METTL15: variants seen among roughly 807,000 people sequenced by gnomAD.
METTL15 encodes the protein 12S rRNA N(4)-cytidine methyltransferase METTL15.
A neutral mutation model predicts 38.3 loss-of-function variants in METTL15; 34 were observed. The observed-to-expected ratio is 0.89, with a 90% CI of 0.68 to 1.18. The LOEUF is 1.18. METTL15 is among the 50% of genes most tolerant of loss of function. METTL15 has a pLI of 0.00. For missense variants in METTL15, 438 were observed against 498.4 expected (o/e 0.88, Z 1.15); for synonymous variants, 162 against 170.9 (o/e 0.95, Z 0.41).
At chr11:28,419,430 A>G (rs1434477424) in intron 5 of METTL15, among the ~76,000 whole-genome samples, 1 of 152,214 alleles carries the variant, frequency 6.6e-6, no homozygotes, top group Admixed American at 6.5e-5. Context: ...CAACAACCAC[A>G]GTGCTACTGA....
chr11:28,135,858 A>G (rs1849497487), intron 3 of METTL15, among the ~76,000 whole-genome samples: 1 of 152,234 alleles, frequency 6.6e-6, no homozygotes, highest in Non-Finnish European at 1.5e-5. Context: ...AACAAGGATG[A>G]GCAACATTTT....
chr11:28,444,471 TTAATTA>T (rs532972944), intron 6 of METTL15, among the ~76,000 whole-genome samples: 1 of 152,326 alleles, frequency 6.6e-6, no homozygotes, highest in East Asian at 1.9e-4. Context: ...TTTGCTATTA[TTAATTA>T]TAAGTTAGTG....
chr11:28,148,771 A>G (rs928050606), intron 3 of METTL15, among the ~76,000 whole-genome samples: 2 of 151,774 alleles, frequency 1.3e-5, no homozygotes, highest in Admixed American at 1.3e-4. Flanking sequence ...TTCCTTACCT[A>G]TTGTATTTGT....
At chr11:28,219,193 C>A (rs912726233) in intron 4 of METTL15, among the ~76,000 whole-genome samples, 2 of 151,960 alleles carry the variant, frequency 1.3e-5, no homozygotes, top group African/African-American at 4.8e-5. Flanking sequence ...TGGTCCTGGA[C>A]TTTTTTTGGT....
chr11:28,410,832 G>A (rs954818979), intron 5 of METTL15: 1 of 151,962 alleles, frequency 6.6e-6, no homozygotes, highest in African/African-American at 2.4e-5. Context: ...AAGTAAAATT[G>A]TCTTTATTTT....
At chr11:28,302,463 T>C (rs184625355) in intron 6 of METTL15, among the ~76,000 whole-genome samples, 3 of 152,238 alleles carry the variant, frequency 2.0e-5, no homozygotes, top group African/African-American at 4.8e-5. Context: ...TGGGAGATGA[T>C]TGAATCATGG....
Position 28,290,247 on chromosome 11 carries a change from A to G in METTL15, c.449A>G (p.Glu150Gly). ...RAMLGQFSQAEALLMKAGVQP... is the reference protein window; with the variant it reads ...RAMLGQFSQAGALLMKAGVQP... The stretch of plus-strand genomic sequence containing the variant: ...ATGCTGGGCCAGTTCAGCCAGGCAG[A>G]AGCCTTATTAATGAAAGCTGGAGTG... Residue 150 changes from glutamate to glycine, a missense_variant, in exon 5 of 7, where the codon GAA (glutamate) becomes GGA (glycine). Coordinates refer to ENST00000407364, the MANE Select transcript of METTL15 (RefSeq NM_001113528.2). 6.2e-7 allele frequency: 1 copy of G among 1,613,124 alleles called. No homozygotes were observed. The highest frequency in any genetic ancestry group is 8.5e-7 in the Non-Finnish European group (1 of 1,179,494).
chr11:28,421,149 AG>A (rs1303445392), intron 5 of METTL15, among the ~76,000 whole-genome samples: 1 of 152,040 alleles, frequency 6.6e-6, no homozygotes, highest in African/African-American at 2.4e-5. Context: ...CAGCCTACCA[AG>A]ATTGAACCAT....
At chr11:28,193,737 A>G (rs1851786099) in intron 3 of METTL15, among the ~76,000 whole-genome samples, 1 of 152,134 alleles carries the variant, frequency 6.6e-6, no homozygotes, top group East Asian at 1.9e-4. Flanking sequence ...CTGAGAAAAA[A>G]GAAATCCAAT....
intron 3 of METTL15, among the ~76,000 whole-genome samples, chr11:28,142,264 A>C (rs1364960225): frequency 6.6e-6 from 1 of 152,224 alleles, no homozygotes; most frequent in Admixed American, 6.5e-5. Context: ...AGGGCCAAAG[A>C]AAAGAGAAAC....
chr11:28,486,424 T>C (rs550083034), intron 6 of METTL15, among the ~76,000 whole-genome samples: 110 of 152,042 alleles, frequency 7.2e-4, no homozygotes, highest in Middle Eastern at 6.8e-3. Flanking sequence ...CTTAGATGAT[T>C]GGGTAAAGCA....
intron 6 of METTL15, among the ~76,000 whole-genome samples, chr11:28,449,002 C>T (rs928438338): frequency 1.8e-4 from 28 of 152,260 alleles, no homozygotes; most frequent in African/African-American, 6.5e-4. Flanking sequence ...ATGGAGCCTC[C>T]AGAAACTAGT....
At chr11:28,502,404 AG>A (rs907908671) in intron 6 of METTL15, among the ~76,000 whole-genome samples, 2 of 152,216 alleles carry the variant, frequency 1.3e-5, no homozygotes, top group African/African-American at 4.8e-5. Flanking sequence ...TATGTAAATG[AG>A]CAGGTGAATA....
intron 3 of METTL15, among the ~76,000 whole-genome samples, chr11:28,148,179 T>G (rs1849954675): frequency 6.6e-6 from 1 of 151,942 alleles, no homozygotes; most frequent in Admixed American, 6.6e-5. Flanking sequence ...ATATTTGAAA[T>G]TTATTAACTG....
chr11:28,233,698 C>A (rs1046385485), intron 4 of METTL15, among the ~76,000 whole-genome samples: 1 of 152,050 alleles, frequency 6.6e-6, no homozygotes, highest in Non-Finnish European at 1.5e-5. Flanking sequence ...ACTCAGCTAA[C>A]ATCCAAGTAT....
chr11:28,252,019 G>A (rs891019484), intron 4 of METTL15, among the ~76,000 whole-genome samples: 2 of 152,036 alleles, frequency 1.3e-5, no homozygotes, highest in Non-Finnish European at 2.9e-5. Flanking sequence ...CCCTGTAATT[G>A]TACTGGCTGG....
intron 6 of METTL15, among the ~76,000 whole-genome samples, chr11:28,455,998 G>A (rs35777891): frequency 0.085 from 12,864 of 152,096 alleles, 758 homozygotes; most frequent in Non-Finnish European, 0.13. Context: ...GAGCCACCGC[G>A]CCTGGCCTAT....
At chr11:28,201,539 A>G (rs1359011257) in intron 3 of METTL15, among the ~76,000 whole-genome samples, 3 of 150,218 alleles carry the variant, frequency 2.0e-5, no homozygotes, top group African/African-American at 7.4e-5. Flanking sequence ...TAGGCTATTA[A>G]TTACTGCCTC....
intron 6 of METTL15, among the ~76,000 whole-genome samples, chr11:28,492,411 T>C (rs920298252): frequency 6.6e-6 from 1 of 152,078 alleles, no homozygotes; most frequent in Non-Finnish European, 1.5e-5. Flanking sequence ...CTGAAAAACA[T>C]TGAATCAGGT....
Sources: allele counts gnomAD v4.1 joint callset (sites outside exome capture counted in the v4.1 genomes callset), GRCh38; gene constraint gnomAD v4.1.1; transcripts MANE v1.5; gene names NCBI Gene and HGNC (gene_info 2026-07-23, HGNC 2026-07-21).